The following NRXN1 variants were observed in gnomAD, a reference collection of about 807,000 sequenced individuals.
NRXN1 encodes neurexin-1.
In NRXN1, 39 loss-of-function variants were observed where a neutral mutation model predicts 150.9. That is an observed-to-expected ratio of 0.26 (90% confidence interval 0.20 to 0.34). The LOEUF (loss-of-function observed/expected upper bound fraction) is 0.34. Ranked by LOEUF, NRXN1 falls within the 10% of genes least tolerant of loss-of-function variation. The probability of loss-of-function intolerance (pLI) is 1.00; values close to 1 mark genes in which losing one functional copy is unlikely to be tolerated. For missense variants in NRXN1, 1,815 were observed against 1,949.9 expected (o/e 0.93, Z 1.30); for synonymous variants, 924 against 757.0 (o/e 1.22, Z -3.62).
intron 9 of NRXN1, among the ~76,000 whole-genome samples, chr2:50,544,615 G>A (rs2093456055): frequency 6.6e-6 from 1 of 152,072 alleles, no homozygotes; most frequent in Admixed American, 6.5e-5. Context: ...GTATTGGCAA[G>A]AATAAGGGGG....
intron 18 of NRXN1, among the ~76,000 whole-genome samples, chr2:50,209,012 C>G (rs1316536497): frequency 1.3e-5 from 2 of 152,058 alleles, no homozygotes. Context: ...TCATTCTCAA[C>G]TCTTTGAACT....
chr2:50,038,242 A>C (rs1278734168), intron 21 of NRXN1, among the ~76,000 whole-genome samples: 3 of 152,160 alleles, frequency 2.0e-5, no homozygotes, highest in African/African-American at 4.8e-5. Context: ...GTTTCTCAGT[A>C]TCTGGCATTC....
chr2:50,979,035 A>G (rs973317243), intron 2 of NRXN1, among the ~76,000 whole-genome samples: 2 of 152,094 alleles, frequency 1.3e-5, no homozygotes, highest in Admixed American at 1.3e-4. Context: ...AGCATAACTC[A>G]TATGTCCCAA....
intron 12 of NRXN1, among the ~76,000 whole-genome samples, chr2:50,524,520 TA>T (rs1328946931): frequency 2.9e-5 from 4 of 137,306 alleles, no homozygotes; most frequent in Admixed American, 7.4e-5. Flanking sequence ...AATAAATAAA[TA>T]AAATAAAATA....
At chr2:50,260,203 T>C (rs1449768057) in intron 17 of NRXN1, among the ~76,000 whole-genome samples, 1 of 151,856 alleles carries the variant, frequency 6.6e-6, no homozygotes, top group Non-Finnish European at 1.5e-5. Flanking sequence ...TGGGTACTGG[T>C]AGCCCATATG....
intron 5 of NRXN1, chr2:50,656,493 T>A: frequency 1.5e-6 from 1 of 685,384 alleles, no homozygotes; most frequent in South Asian, 1.6e-5. Flanking sequence ...TCACACCAAC[T>A]GAGGTCTGGG....
chr2:50,008,489 T>G (rs1442303901), intron 21 of NRXN1, among the ~76,000 whole-genome samples: 1 of 127,138 alleles, frequency 7.9e-6, no homozygotes, highest in Middle Eastern at 4.5e-3. Context: ...TTTTTTGAGA[T>G]GGAGTCTTGC....
Position 51,028,083 on chromosome 2 carries a change from C to T in NRXN1, c.191G>A (p.Arg64His), listed in dbSNP as rs200247365. Reference sequence around the variant, plus strand: ...GTCGTCGAAGTAGAGCACGAGGCCGCGGGCGCTGCGAGTCTTGAGCTGGAA... The same window carrying T: ...GTCGTCGAAGTAGAGCACGAGGCCGTGGGCGCTGCGAGTCTTGAGCTGGAA... Reference protein sequence around the residue: ...MSFQLKTRSARGLVLYFDDEG... With the variant: ...MSFQLKTRSAHGLVLYFDDEG... Residue 64 changes from arginine to histidine, a missense_variant, in exon 2 of 23, where the codon CGC (arginine) becomes CAC (histidine). Physicochemically the swap from Arg to His is conservative, Grantham distance 29. Around this residue, in one of 6 missense-constraint regions of NRXN1, gnomAD observed 554 missense variants for 478.8 expected, o/e 1.16. Transcript: ENST00000401669. 9.5e-6 allele frequency: 15 copies of T among 1,586,940 alleles called. No individual in the cohort carries two copies. The highest frequency in any genetic ancestry group is 1.3e-5 in the African/African-American group (1 of 74,544).
chr2:50,184,511 T>G (rs1212468608), intron 18 of NRXN1, among the ~76,000 whole-genome samples: 2 of 152,002 alleles, frequency 1.3e-5, no homozygotes, highest in African/African-American at 4.8e-5. Context: ...TGTATTTAGG[T>G]GTTTTAGCTA....
rs745576733 is a variant in NRXN1 at position 50,472,300 on chromosome 2, T to G, written c.3242A>C (p.Glu1081Ala). ...GCATGATGACAAAAATCTAATACCTTCACATCCTCTCTCGATCTGTCCGTT... is the reference window on the plus strand; with the variant it reads ...GCATGATGACAAAAATCTAATACCTGCACATCCTCTCTCGATCTGTCCGTT... ...FCNGQIERGC[E>A]GPSTTCQEDS... The change falls in exon 16 of 23, where the codon GAA becomes GCA. Residue 1081 changes from glutamate (E) to alanine (A), a missense_variant and splice_region_variant. Physicochemically the swap from Glu to Ala is moderately radical, Grantham distance 107. This residue lies in a region of NRXN1 where 339 missense variants were observed against 440.3 expected (regional missense o/e 0.77). Transcript: ENST00000401669. 8 of 1,581,814 alleles carry G rather than the reference T, an allele frequency of 5.1e-6. No homozygotes were observed. The South Asian group carries it at 9.3e-5, about 18-fold the overall frequency.
At chr2:49,952,342 C>A (rs1368763477) in intron 21 of NRXN1, among the ~76,000 whole-genome samples, 1 of 151,870 alleles carries the variant, frequency 6.6e-6, no homozygotes, top group Admixed American at 6.6e-5. Context: ...GAAATACACA[C>A]AGACAGGAGG....
At chr2:50,928,001 G>A (rs1362527311) in intron 2 of NRXN1, among the ~76,000 whole-genome samples, 5 of 152,004 alleles carry the variant, frequency 3.3e-5, no homozygotes, top group East Asian at 1.9e-4. Context: ...CAGTCCTGAC[G>A]GCAAGTTCTC....
rs144372224 is a variant in NRXN1, at chr2:51,030,584, C to T, written c.-921-1390G>A. Reference sequence around the variant, plus strand: ...CACACACACACACAGTGTGGGTGTGCGCACATACACACTGCCCACTAGCAA... The same window carrying T: ...CACACACACACACAGTGTGGGTGTGTGCACATACACACTGCCCACTAGCAA... On this transcript the variant is annotated intron_variant, in intron 1 of 22. Coordinates refer to ENST00000401669, the MANE Select transcript of NRXN1 (RefSeq NM_001330078.2). Among the ~76,000 whole-genome samples the T allele has an allele frequency of 9.1e-4, 137 of 151,352 alleles. 1 individual carries two copies. The East Asian group carries it at 9.2e-3, about 10-fold the overall frequency.
At chr2:50,217,568 G>T (rs2063488251) in intron 18 of NRXN1, among the ~76,000 whole-genome samples, 1 of 151,842 alleles carries the variant, frequency 6.6e-6, no homozygotes, top group Admixed American at 6.6e-5. Context: ...TTTCAATTTA[G>T]ATCATGTTTC....
chr2:50,430,994 T>A (rs2084920850), intron 17 of NRXN1, among the ~76,000 whole-genome samples: 1 of 152,162 alleles, frequency 6.6e-6, no homozygotes, highest in South Asian at 2.1e-4. Flanking sequence ...AATGCATACA[T>A]CACTGCCACC....
chr2:50,813,682 A>T (rs3908116), intron 5 of NRXN1, among the ~76,000 whole-genome samples: 113,847 of 152,038 alleles, frequency 0.75, 42,847 homozygotes, highest in African/African-American at 0.8. Flanking sequence ...GTACTGGTGC[A>T]TTGATTGTAG....
At chr2:50,048,360 T>C (rs975441314) in intron 21 of NRXN1, among the ~76,000 whole-genome samples, 10 of 152,166 alleles carry the variant, frequency 6.6e-5, no homozygotes, top group African/African-American at 1.9e-4. Context: ...ATTTTTTAAA[T>C]GCACAGTGGT....
chr2:50,296,338 T>G (rs1210451487), intron 17 of NRXN1, among the ~76,000 whole-genome samples: 1 of 152,058 alleles, frequency 6.6e-6, no homozygotes, highest in Non-Finnish European at 1.5e-5. Context: ...GCCACAAGAG[T>G]TGTGAACAAC....
chr2:51,013,100 G>A (rs1668137317), intron 2 of NRXN1, among the ~76,000 whole-genome samples: 1 of 152,040 alleles, frequency 6.6e-6, no homozygotes, highest in Admixed American at 6.6e-5. Flanking sequence ...GGTAGAGTCA[G>A]TACTGGGAGG....
Sources: allele counts gnomAD v4.1 joint callset (sites outside exome capture counted in the v4.1 genomes callset), GRCh38; gene constraint gnomAD v4.1.1; regional missense constraint gnomAD v4.1.1; transcripts MANE v1.5; gene names NCBI Gene and HGNC (gene_info 2026-07-23, HGNC 2026-07-21).